Variants in TACR2 observed in about 807,000 individuals in gnomAD.
TACR2 encodes substance-K receptor.
Under a neutral mutation model 28.9 loss-of-function variants are expected in TACR2, and 24 were observed. That is an observed-to-expected ratio of 0.83 (90% CI 0.60 to 1.17). The LOEUF (loss-of-function observed/expected upper bound fraction) is 1.17. TACR2 is among the 50% of genes most tolerant of loss of function. TACR2 has a pLI of 0.00. For missense variants in TACR2, 487 were observed against 524.4 expected (o/e 0.93, Z 0.70); for synonymous variants, 222 against 212.6 (o/e 1.04, Z -0.38).
intron 4 of TACR2, 130 bp downstream of exon 4, chr10:69,406,954 T>G: frequency 1.1e-6 from 1 of 920,750 alleles, no homozygotes; most frequent in Non-Finnish European, 1.7e-6. Context: ...CTTTCTCATG[T>G]AGGCTGGGGG....
chr10:69,409,904 C>CATATATACATATATATATATACATAT, intron 2 of TACR2, among the ~76,000 whole-genome samples: 2 of 34,670 alleles, frequency 5.8e-5, no homozygotes, highest in East Asian at 7.5e-4. Flanking sequence ...TATATATATA[C>CATATATACATATATATATATACATAT]ATATATATAT....
chr10:69,412,463 G>T lies in TACR2; in HGVS notation c.587+2482C>A, dbSNP rs899393010. ...AGGGCCCATCACCTTACAGAGTGAG[G>T]ATCTACAGGGCCACCTATCTCAGTG... On this transcript the variant is annotated intron_variant, in intron 2 of 4. Transcript: ENST00000373306. Among the ~76,000 whole-genome samples, 6 of 152,320 alleles carry T rather than the reference G, an allele frequency of 3.9e-5. No individual in the cohort carries two copies. In the East Asian group the frequency reaches 1.2e-3, roughly 29 times the overall value.
At chr10:69,413,748 C>A (rs1054225623) in intron 2 of TACR2, among the ~76,000 whole-genome samples, 2 of 152,230 alleles carry the variant, frequency 1.3e-5, no homozygotes, top group Non-Finnish European at 2.9e-5. Flanking sequence ...CAGCCCTCAC[C>A]TCAGACCATG....
At chr10:69,415,906 C>T (rs1219299472) in intron 1 of TACR2, 26 bp downstream of exon 1, 1 of 1,605,344 alleles carries the variant, frequency 6.2e-7, no homozygotes, top group Non-Finnish European at 8.5e-7. Context: ...GGAGGCTCCC[C>T]CCAGCTTCCC....
intron 3 of TACR2, among the ~76,000 whole-genome samples, chr10:69,408,076 AG>A (rs368509826): frequency 1.4e-3 from 209 of 152,242 alleles, no homozygotes; most frequent in Middle Eastern, 0.014. Context: ...CCTGGTAGGA[AG>A]GGGGCAAGGA....
At position 69,404,956 on chromosome 10, in the gene TACR2, G is replaced by A. The variant is rs778057838; in HGVS notation, c.1067C>T (p.Thr356Ile). ...GGCTGTGTCCCCAGCCATGAACAAA[G>A]TCTCCTTAGTGTGACACCTGTTGAC... ...TRVNRCHTKE[T>I]LFMAGDTAPS... The change falls in exon 5 of 5, where the codon ACT becomes ATT. Residue 356 changes from threonine to isoleucine, a missense_variant. Thr to Ile is a moderately conservative substitution (Grantham distance 89). Coordinates refer to ENST00000373306, the MANE Select transcript of TACR2 (RefSeq NM_001057.3). 3.7e-6 allele frequency: 6 copies of A among 1,614,216 alleles called. No homozygotes were observed. In the African/African-American group the frequency reaches 8.0e-5, roughly 22 times the overall value.
In TACR2 at chr10:69,407,266, C is replaced by G; in HGVS notation, c.756G>C (p.Met252Ile). ...TGGCAAACGTCAGCACCACCAGCACCATGGTCTTCACAAACTGGTCCAGGA... is the reference window on the plus strand; with the variant it reads ...TGGCAAACGTCAGCACCACCAGCACGATGGTCTTCACAAACTGGTCCAGGA... Reference protein sequence around the residue: ...LQAMKKFVKTMVLVVLTFAIC... With the variant: ...LQAMKKFVKTIVLVVLTFAIC... The change falls in exon 4 of 5, where the codon ATG becomes ATC. Residue 252 changes from methionine to isoleucine, a missense_variant. Met to Ile is a conservative substitution (Grantham distance 10, BLOSUM62 1). Transcript: ENST00000373306. 1.2e-6 allele frequency: 2 copies of G among 1,612,308 alleles called. No homozygotes were observed. The highest frequency in any genetic ancestry group is 1.7e-6 in the Non-Finnish European group (2 of 1,179,118).
At position 69,406,232 on chromosome 10, in the gene TACR2, G is replaced by C. The variant is rs546461679; in HGVS notation, c.938+852C>G. On this transcript the variant is annotated intron_variant, in intron 4 of 4. Transcript: ENST00000373306. ...ACTTCGCCCACATCATTGTCTCACTGAGGTGAGACTGTGTCCACCTCTTGC... is the reference window on the plus strand; with the variant it reads ...ACTTCGCCCACATCATTGTCTCACTCAGGTGAGACTGTGTCCACCTCTTGC... Among the ~76,000 whole-genome samples, 211 of 152,288 alleles carry C rather than the reference G, an allele frequency of 1.4e-3. No individual in the cohort carries two copies. In the Middle Eastern group the frequency reaches 0.017, roughly 12 times the overall value.
chr10:69,415,498 A>AATTGGC (rs1390453312), intron 1 of TACR2, among the ~76,000 whole-genome samples: 1 of 152,246 alleles, frequency 6.6e-6, no homozygotes, highest in Non-Finnish European at 1.5e-5. Flanking sequence ...TTGGGAAAAT[A>AATTGGC]ATTGGCCCTA....
intron 2 of TACR2, among the ~76,000 whole-genome samples, chr10:69,414,464 G>A (rs552549012): frequency 6.6e-5 from 10 of 152,298 alleles, no homozygotes; most frequent in African/African-American, 1.9e-4. Context: ...TCACATACAC[G>A]TGTGCATGCA....
intron 2 of TACR2, among the ~76,000 whole-genome samples, chr10:69,409,916 T>C (rs7478627): frequency 0.014 from 441 of 31,514 alleles, 15 homozygotes; most frequent in South Asian, 0.068. Context: ...TATATATATA[T>C]ATATATATAT....
chr10:69,414,963 C>T lies in TACR2; in HGVS notation c.569G>A (p.Gly190Glu), dbSNP rs747354247. Residue 190 changes from glycine (G) to glutamate (E), a missense_variant, in exon 2 of 5, where the codon GGG becomes GAG. By Grantham distance (98) the Gly-to-Glu change is moderately conservative. Coordinates refer to ENST00000373306, the MANE Select transcript of TACR2 (RefSeq NM_001057.3). ...GCCTTACAGGAGGAGCGTCTTGCCC[C>T]CGCTGTCTTCGGGCCAGGCCACCAC... ...KCVVAWPEDS[G>E]GKTLLLYHLV... The T allele has an allele frequency of 6.2e-7, 1 of 1,612,542 alleles. No homozygotes were observed. Among genetic ancestry groups the T allele is most frequent in the Non-Finnish European group, 8.5e-7 (1 of 1,179,132 alleles).
At chr10:69,411,103 CT>C (rs748146581) in intron 2 of TACR2, among the ~76,000 whole-genome samples, 3 of 152,176 alleles carry the variant, frequency 2.0e-5, no homozygotes, top group Non-Finnish European at 4.4e-5. Context: ...CCTGAGACCC[CT>C]GGTCCCGTCA....
At chr10:69,415,310 T>C (rs1483355363) in intron 1 of TACR2, among the ~76,000 whole-genome samples, 171 bp from the exon 2 acceptor site, 1 of 152,048 alleles carries the variant, frequency 6.6e-6, no homozygotes, top group Non-Finnish European at 1.5e-5. Flanking sequence ...GCTGGGTGAC[T>C]CTCCCACAGC....
At position 69,409,089 on chromosome 10, in the gene TACR2, C is replaced by A; in HGVS notation, c.588-14G>T. The A allele has an allele frequency of 1.3e-6, 2 of 1,577,760 alleles. No homozygotes were observed. The highest frequency in any genetic ancestry group is 1.7e-6 in the Non-Finnish European group (2 of 1,164,548). On this transcript the variant is annotated splice_polypyrimidine_tract_variant and intron_variant, in intron 2 of 4. Coordinates refer to ENST00000373306, the MANE Select transcript of TACR2 (RefSeq NM_001057.3). Reference sequence around the variant, plus strand: ...ACGAGGTGGTACCTGCAGGGAGAGCCGAGGCCTGGGCAGCGGAGGGCCCGG... The same window carrying A: ...ACGAGGTGGTACCTGCAGGGAGAGCAGAGGCCTGGGCAGCGGAGGGCCCGG...
Position 69,409,077 on chromosome 10 carries a change from T to C in TACR2, c.588-2A>G. The C allele has an allele frequency of 6.3e-7, 1 of 1,598,752 alleles. No homozygotes were observed. The highest frequency in any genetic ancestry group is 8.5e-7 in the Non-Finnish European group (1 of 1,174,616). The stretch of plus-strand genomic sequence containing the variant: ...AGGGCGATCACCACGAGGTGGTACC[T>C]GCAGGGAGAGCCGAGGCCTGGGCAG... On this transcript the variant is annotated splice_acceptor_variant, in intron 2 of 4. Coordinates refer to ENST00000373306, the MANE Select transcript of TACR2 (RefSeq NM_001057.3). LOFTEE classifies it high-confidence loss of function.
At chr10:69,412,322 A>G (rs1257679288) in intron 2 of TACR2, among the ~76,000 whole-genome samples, 2 of 152,074 alleles carry the variant, frequency 1.3e-5, no homozygotes, top group African/African-American at 4.8e-5. Flanking sequence ...TTCTTTTGGC[A>G]AGCATGCCAA....
At position 69,414,857 on chromosome 10, in the gene TACR2, AC is replaced by A. The variant is rs1302267088; in HGVS notation, c.587+87del. ...ATGCATGCACACCACACATGCATGG[AC>A]ATGGATGCATGCACGCGTGTGTACA... is the stretch of plus-strand genomic sequence containing the variant. On this transcript the variant is annotated intron_variant, in intron 2 of 4. Transcript: ENST00000373306. The A allele has an allele frequency of 2.4e-5, 34 of 1,412,896 alleles. 1 individual carries two copies. The highest frequency in any genetic ancestry group is 3.1e-5 in the Non-Finnish European group (32 of 1,031,316). The allele number at this position is 1,412,896 out of a possible 1,614,324, so 87.5% of individuals were successfully genotyped here. A position where few individuals can be genotyped will look rare whatever the true frequency, so the allele number is the denominator to read the frequency against.
intron 2 of TACR2, among the ~76,000 whole-genome samples, chr10:69,411,111 G>A (rs553627591): frequency 4.6e-5 from 7 of 152,114 alleles, no homozygotes; most frequent in East Asian, 1.9e-4. Flanking sequence ...CCCTGGTCCC[G>A]TCATTTGACT....
Sources: gnomAD v4.1 joint callset for allele counts (sites outside exome capture counted in the v4.1 genomes callset) on GRCh38, gnomAD v4.1.1 for gene constraint, MANE v1.5 for transcripts, NCBI Gene and HGNC (gene_info 2026-07-23, HGNC 2026-07-21) for gene names.